Variants in RYR2 observed in about 807,000 individuals in gnomAD.
RYR2 encodes ryanodine receptor 2, also known as cardiac muscle ryanodine receptor-calcium release channel.
Under a neutral mutation model 601.1 loss-of-function variants are expected in RYR2, and 227 were observed. The ratio of observed to expected loss-of-function variants is 0.38; its 90% confidence interval spans 0.34 to 0.42. The LOEUF (loss-of-function observed/expected upper bound fraction) is 0.42, where lower values mean the gene tolerates loss of function less well. Ranked by LOEUF, RYR2 falls within the 10% of genes least tolerant of loss-of-function variation. The pLI, the probability that RYR2 is intolerant of heterozygous loss-of-function variation, is 1.00. For synonymous variants in RYR2, 2,223 were observed against 2,175.1 expected (o/e 1.02, Z -0.61); for missense variants, 4,646 against 6,156.5 (o/e 0.75, Z 8.21).
In RYR2 at chr1:237,511,834, GAAAAAAAAAAA is replaced by G. The variant is rs71561879; in HGVS notation, c.2822+58_2822+68del. 235 of 189,004 alleles carry G rather than the reference GAAAAAAAAAAA, an allele frequency of 1.2e-3. 1 individual carries two copies. Among genetic ancestry groups the G allele is most frequent in the South Asian group, 5.3e-3 (40 of 7,588 alleles). The allele number at this position is 189,004 out of a possible 1,614,324, so 11.7% of individuals were successfully genotyped here. ...TTCTATTTTCCAACCTGCCTTCCCT[GAAAAAAAAAAA>G]AAAAAAAAAAAAAACAGGTATTGAT... On this transcript the variant is annotated intron_variant, in intron 24 of 104. Coordinates refer to ENST00000366574, the MANE Select transcript of RYR2 (RefSeq NM_001035.3).
chr1:237,314,063 C>CT (rs397983391), intron 2 of RYR2, among the ~76,000 whole-genome samples: 38,530 of 82,388 alleles, frequency 0.47, 11,276 homozygotes, highest in East Asian at 0.59. Context: ...ACATGAATTT[C>CT]TTTTTTTTTT....
At chr1:237,177,731 T>C (rs965675840) in intron 1 of RYR2, among the ~76,000 whole-genome samples, 4 of 152,176 alleles carry the variant, frequency 2.6e-5, no homozygotes, top group African/African-American at 9.6e-5. Flanking sequence ...TTAAAAACCA[T>C]GCTGCTATGA....
At chr1:237,474,750 G>A (rs1307429821) in intron 17 of RYR2, among the ~76,000 whole-genome samples, 1 of 152,190 alleles carries the variant, frequency 6.6e-6, no homozygotes, top group Non-Finnish European at 1.5e-5. Flanking sequence ...GAACAAAGAT[G>A]CAGTAACTGG....
At chr1:237,264,980 C>T (rs1016468982) in intron 1 of RYR2, among the ~76,000 whole-genome samples, 1 of 151,734 alleles carries the variant, frequency 6.6e-6, no homozygotes, top group Non-Finnish European at 1.5e-5. Flanking sequence ...GGGATGTGAG[C>T]CATTGTGCCT....
chr1:237,594,138 G>C (rs908644787), intron 33 of RYR2, among the ~76,000 whole-genome samples: 1 of 152,152 alleles, frequency 6.6e-6, no homozygotes, highest in East Asian at 1.9e-4. Context: ...GGGTAAGTCA[G>C]TTACACTTTC....
At chr1:237,681,142 A>C (rs1264430926) in intron 62 of RYR2, among the ~76,000 whole-genome samples, 1 of 152,150 alleles carries the variant, frequency 6.6e-6, no homozygotes, top group African/African-American at 2.4e-5. Flanking sequence ...TTTTACTCAA[A>C]CTTCTGCTAG....
chr1:237,464,449 CACT>C lies in RYR2; in HGVS notation c.1613-4642_1613-4640del, dbSNP rs1435059624. Among the ~76,000 whole-genome samples, 9 of 151,798 alleles carry C rather than the reference CACT, an allele frequency of 5.9e-5. No homozygotes were observed. The East Asian group carries it at 1.5e-3, about 26-fold the overall frequency. ...AGAATTTATTGCTGGTTCAAAGGGT[CACT>C]GTGAAAGATCATATTACAGGACATG... On this transcript the variant is annotated intron_variant, in intron 16 of 104. Transcript: ENST00000366574.
intron 8 of RYR2, among the ~76,000 whole-genome samples, chr1:237,382,684 A>C (rs746358920): frequency 6.6e-6 from 1 of 152,038 alleles, no homozygotes; most frequent in African/African-American, 2.4e-5. Context: ...ATTTCTAATA[A>C]AAAATATAGA....
intron 80 of RYR2, among the ~76,000 whole-genome samples, chr1:237,752,043 A>G (rs908698393): frequency 6.6e-6 from 1 of 152,184 alleles, no homozygotes; most frequent in African/African-American, 2.4e-5. Context: ...ATATCACATC[A>G]TTTAGTTCTG....
In RYR2 at chr1:237,605,004, C is replaced by G. The variant is rs573393235; in HGVS notation, c.4683+2893C>G. 2.2e-3 allele frequency among the ~76,000 whole-genome samples: 340 copies of G among 152,242 alleles called. 4 individuals carry two copies. Among genetic ancestry groups the G allele is most frequent in the African/African-American group, 7.8e-3 (324 of 41,540 alleles). The stretch of plus-strand genomic sequence containing the variant: ...ATTCTACCAGAGGTACAAGGAGGAG[C>G]TGGTACCATTCCTTCTGAAACTATT... On this transcript the variant is annotated intron_variant, in intron 35 of 104. Coordinates refer to ENST00000366574, the MANE Select transcript of RYR2 (RefSeq NM_001035.3).
chr1:237,183,040 G>T (rs1469706012), intron 1 of RYR2, among the ~76,000 whole-genome samples: 1 of 152,116 alleles, frequency 6.6e-6, no homozygotes, highest in Non-Finnish European at 1.5e-5. Context: ...AGTTGGTTTG[G>T]TGATGAGTCT....
chr1:237,213,690 C>T (rs573900368), intron 1 of RYR2, among the ~76,000 whole-genome samples: 5 of 152,106 alleles, frequency 3.3e-5, no homozygotes, highest in Admixed American at 6.6e-5. Context: ...TTACTTTCCA[C>T]GAGGTTTATA....
chr1:237,200,965 A>G (rs1202351403), intron 1 of RYR2, among the ~76,000 whole-genome samples: 4 of 152,234 alleles, frequency 2.6e-5, no homozygotes, highest in African/African-American at 9.6e-5. Flanking sequence ...AACTGACTCC[A>G]TCAGTGTGTC....
intron 32 of RYR2, among the ~76,000 whole-genome samples, chr1:237,593,258 G>C (rs1003555615): frequency 2.0e-5 from 3 of 152,072 alleles, no homozygotes; most frequent in Non-Finnish European, 4.4e-5. Context: ...TCTCTTTCCT[G>C]TTATTTCTTA....
chr1:237,293,489 G>C (rs186538349), intron 2 of RYR2, among the ~76,000 whole-genome samples: 189 of 152,250 alleles, frequency 1.2e-3, no homozygotes, highest in African/African-American at 4.2e-3. Context: ...TTACAGGTGT[G>C]AGCCACCGCA....
At chr1:237,677,447 A>C (rs556802033) in intron 60 of RYR2, among the ~76,000 whole-genome samples, 1 of 152,290 alleles carries the variant, frequency 6.6e-6, no homozygotes, top group Non-Finnish European at 1.5e-5. Context: ...TGCTTCACTT[A>C]TGAAAATTAT....
intron 2 of RYR2, among the ~76,000 whole-genome samples, chr1:237,310,581 A>T (rs1258404978): frequency 6.6e-6 from 1 of 152,048 alleles, no homozygotes; most frequent in Non-Finnish European, 1.5e-5. Context: ...CCTCCAGCCC[A>T]CTTTACCCCT....
chr1:237,556,951 G>A (rs1204085332), intron 27 of RYR2, among the ~76,000 whole-genome samples: 3 of 139,610 alleles, frequency 2.1e-5, no homozygotes, highest in African/African-American at 8.2e-5. Context: ...TTATCTCAAA[G>A]TTTCTGTGGG....
At chr1:237,728,472 A>G (rs1047910933) in intron 76 of RYR2, among the ~76,000 whole-genome samples, 10 of 152,164 alleles carry the variant, frequency 6.6e-5, no homozygotes, top group Non-Finnish European at 1.3e-4. Flanking sequence ...TACTATAAAG[A>G]CACATGCACA....
Sources: gnomAD v4.1 joint callset for allele counts (sites outside exome capture counted in the v4.1 genomes callset) on GRCh38, gnomAD v4.1.1 for gene constraint, MANE v1.5 for transcripts, NCBI Gene and HGNC (gene_info 2026-07-23, HGNC 2026-07-21) for gene names.